Variants in TAF1 observed in about 807,000 individuals in gnomAD.
TAF1 encodes transcription initiation factor TFIID subunit 1.
A neutral mutation model predicts 138.5 loss-of-function variants in TAF1; 2 were observed. That is an observed-to-expected ratio of 0.01 (90% CI 0.01 to 0.05). The LOEUF is 0.05. TAF1 is among the 10% of genes least tolerant of loss of function. The pLI, the probability that TAF1 is intolerant of heterozygous loss-of-function variation, is 1.00. For synonymous variants in TAF1, 437 were observed against 503.2 expected, an observed-to-expected ratio of 0.87 and a Z score of 1.76; for missense variants, 709 against 1,478.0, an observed-to-expected ratio of 0.48 and a Z score of 8.53.
chrX:71,436,072 A>G (rs2037124913), intron 32 of TAF1, among the ~76,000 whole-genome samples: 1 of 90,553 alleles, frequency 1.1e-5, no homozygotes, highest in South Asian at 5.8e-4. Flanking sequence ...TTTTGAAACA[A>G]GGTCTTGCTC....
intron 13 of TAF1, among the ~76,000 whole-genome samples, chrX:71,481,588 C>T (rs1301861737): frequency 2.7e-5 from 3 of 111,091 alleles, no homozygotes; most frequent in African/African-American, 6.5e-5. Flanking sequence ...GACAGAGTCT[C>T]GCTCTGTTGC....
intron 24 of TAF1, among the ~76,000 whole-genome samples, chrX:71,399,836 G>A (rs1290792750): frequency 3.7e-5 from 4 of 109,451 alleles, no homozygotes; most frequent in African/African-American, 1.3e-4. Flanking sequence ...GTTTCAAGCG[G>A]CAATCCTGCC....
chrX:71,438,499 T>A (rs2037258258), intron 32 of TAF1, among the ~76,000 whole-genome samples: 1 of 111,940 alleles, frequency 8.9e-6, no homozygotes, highest in Non-Finnish European at 1.9e-5. Context: ...ATATGTAACG[T>A]CTCTCACTAT....
intron 34 of TAF1, among the ~76,000 whole-genome samples, chrX:71,456,563 C>G (rs1032026749): frequency 9.4e-6 from 1 of 106,678 alleles, no homozygotes; most frequent in Non-Finnish European, 1.9e-5. Context: ...AAAGTGTAAC[C>G]TGCCTTAATA....
intron 13 of TAF1, among the ~76,000 whole-genome samples, chrX:71,524,073 G>C (rs749390844): frequency 3.2e-4 from 33 of 102,357 alleles, no homozygotes; most frequent in African/African-American, 1.2e-3. Context: ...CCAGGCCGGA[G>C]TGCAGTGGCA....
chrX:71,435,375 T>A (rs1214847849), intron 32 of TAF1, among the ~76,000 whole-genome samples: 1 of 112,159 alleles, frequency 8.9e-6, no homozygotes, highest in Non-Finnish European at 1.9e-5. Flanking sequence ...TTAGTAGTTA[T>A]TCAGCCAAAG....
intron 32 of TAF1, among the ~76,000 whole-genome samples, chrX:71,437,282 G>A (rs968667950): frequency 2.7e-5 from 3 of 111,381 alleles, no homozygotes; most frequent in African/African-American, 9.8e-5. Flanking sequence ...TTGTTCATAG[G>A]TTAAATATAA....
chrX:71,480,666 C>T, intron 13 of TAF1, among the ~76,000 whole-genome samples: 1 of 111,550 alleles, frequency 9.0e-6, no homozygotes, highest in African/African-American at 3.3e-5. Flanking sequence ...CAATAAATAT[C>T]TGTGAGGTGG....
Position 71,502,919 on chromosome X carries a change from G to A in TAF1, c.1367-25623G>A, listed in dbSNP as rs1251162010. Among the ~76,000 whole-genome samples, 4 of 109,159 alleles carry A rather than the reference G, an allele frequency of 3.7e-5. No individual in the cohort carries two copies. In the East Asian group the frequency reaches 1.1e-3, roughly 31 times the overall value. 94.8% of individuals were successfully genotyped at this position (109,159 alleles called of 115,157 possible). ...CACCACTGCACTCCAGCCTAGCAAC[G>A]GAGTGAGACTCCGTCTCAAAAAAGA... On this transcript the variant is annotated intron_variant and NMD_transcript_variant, in intron 13 of 14. Coordinates refer to the TAF1 transcript ENST00000373775.
chrX:71,406,486 C>A (rs1569311519), intron 25 of TAF1, 152 bp from the exon 26 acceptor site: 6 of 468,548 alleles, frequency 1.3e-5, no homozygotes, highest in Non-Finnish European at 2.1e-5. Context: ...CTGATCTGAA[C>A]CTTAGAAGGT....
At chrX:71,486,570 C>T (rs1452095842) in intron 13 of TAF1, among the ~76,000 whole-genome samples, 1 of 105,253 alleles carries the variant, frequency 9.5e-6, no homozygotes, top group Non-Finnish European at 2.0e-5. Flanking sequence ...CCATGTTTCC[C>T]AGGCAGGTCT....
chrX:71,410,407 A>T (rs1192888809), intron 28 of TAF1, among the ~76,000 whole-genome samples: 2 of 109,478 alleles, frequency 1.8e-5, no homozygotes, highest in Non-Finnish European at 3.8e-5. Flanking sequence ...ACTAAAAAAA[A>T]AAATAAAAGA....
intron 32 of TAF1, among the ~76,000 whole-genome samples, chrX:71,448,240 A>C (rs961069865): frequency 9.0e-6 from 1 of 111,495 alleles, no homozygotes; most frequent in African/African-American, 3.3e-5. Flanking sequence ...CAACTTTACT[A>C]TTCCTGTAGA....
At chrX:71,490,185 G>C (rs1420440518) in intron 13 of TAF1, among the ~76,000 whole-genome samples, 1 of 112,258 alleles carries the variant, frequency 8.9e-6, no homozygotes, top group Non-Finnish European at 1.9e-5. Context: ...CCTCTGTCTT[G>C]TGAGGACACA....
At chrX:71,452,065 A>G (rs370115341) in intron 32 of TAF1, among the ~76,000 whole-genome samples, 16 of 79,549 alleles carry the variant, frequency 2.0e-4, no homozygotes, top group East Asian at 8.6e-4. Flanking sequence ...GGGCAGAGGC[A>G]CCCCTCACCT....
At position 71,376,967 on chromosome X, in the gene TAF1, G is replaced by A. The variant is rs1402600509; in HGVS notation, c.490G>A (p.Gly164Ser). The A allele has an allele frequency of 1.7e-6, 2 of 1,209,562 alleles. No homozygotes were observed. Among genetic ancestry groups the A allele is most frequent in the African/African-American group, 1.8e-5 (1 of 57,138 alleles). The change falls in exon 5 of 38, where the codon GGC becomes AGC. Residue 164 changes from glycine (G) to serine (S), a missense_variant. Gly to Ser is a moderately conservative substitution (Grantham distance 56). Coordinates refer to ENST00000423759, the MANE Select transcript of TAF1 (RefSeq NM_004606.5). ...TGTTGCAGTGTCTGAAAATGGAGAA[G>A]GCATCATCTTGCCCTCCATCATTGC... is the stretch of plus-strand genomic sequence containing the variant. ...SITGVSENGE[G>S]IILPSIIAPS... is the part of the protein sequence containing the mutation.
chrX:71,451,165 T>C (rs2037942075), intron 32 of TAF1, among the ~76,000 whole-genome samples: 1 of 112,590 alleles, frequency 8.9e-6, no homozygotes, highest in Non-Finnish European at 1.9e-5. Flanking sequence ...GCTCAATCCA[T>C]TTTTACAAAC....
intron 13 of TAF1, chrX:71,492,250 C>G (rs944155613): frequency 2.3e-5 from 3 of 128,870 alleles, no homozygotes; most frequent in African/African-American, 9.7e-5. Flanking sequence ...CGGATCATCT[C>G]CCAGTAGGAG....
intron 28 of TAF1, among the ~76,000 whole-genome samples, chrX:71,412,446 T>C (rs1381569754): frequency 8.9e-6 from 1 of 111,939 alleles, no homozygotes; most frequent in Non-Finnish European, 1.9e-5. Context: ...TTTTTAATCA[T>C]GTAATACTCC....
Sources: gnomAD v4.1 joint callset for allele counts (sites outside exome capture counted in the v4.1 genomes callset) on GRCh38, gnomAD v4.1.1 for gene constraint, MANE v1.5 for transcripts, NCBI Gene and HGNC (gene_info 2026-07-23, HGNC 2026-07-21) for gene names.